Variants in CHST1 observed in about 807,000 individuals in gnomAD.
The protein encoded by CHST1 is Keratan sulfotransferase.
Under a neutral mutation model 22.5 loss-of-function variants are expected in CHST1, and 10 were observed. The observed-to-expected ratio is 0.44, with a 90% CI of 0.27 to 0.75. The LOEUF (loss-of-function observed/expected upper bound fraction) is 0.75. Among genes scored for constraint, CHST1 ranks in the 30% least tolerant of loss-of-function variants. The pLI, the probability that CHST1 is intolerant of heterozygous loss-of-function variation, is 0.15. For synonymous variants in CHST1, 267 were observed against 264.5 expected (o/e 1.01, Z -0.09); for missense variants, 439 against 576.1 (o/e 0.76, Z 2.44).
rs1214813999 is a variant in CHST1, at chr11:45,652,514, G to A, written c.-141+7C>T. ...TAGCAGAAGTCAGCAAGGGCAGGGG[G>A]GCTTACCCCGGCCTCCAGGTCGAAA... On this transcript the variant is annotated splice_region_variant and intron_variant, in intron 2 of 3. Transcript: ENST00000308064. 2 of 152,232 alleles carry A rather than the reference G, an allele frequency of 1.3e-5. No homozygotes were observed. The highest frequency in any genetic ancestry group is 2.1e-4 in the South Asian group (1 of 4,830). The allele number at this position is 152,232 out of a possible 1,614,324, so 9.4% of individuals were successfully genotyped here.
intron 3 of CHST1, 113 bp from the exon 4 acceptor site, chr11:45,651,078 G>T: frequency 1.4e-6 from 1 of 702,884 alleles, no homozygotes; most frequent in Non-Finnish European, 2.2e-6. Flanking sequence ...CCTGTCCAGT[G>T]CTCACCACAC....
At chr11:45,663,578 G>A (rs1442023752) in intron 1 of CHST1, among the ~76,000 whole-genome samples, 1 of 152,178 alleles carries the variant, frequency 6.6e-6, no homozygotes, top group Non-Finnish European at 1.5e-5. Context: ...GTTGAGTGAA[G>A]GGGGCTGGGG....
At chr11:45,662,458 T>C (rs966063078) in intron 1 of CHST1, among the ~76,000 whole-genome samples, 23 of 152,292 alleles carry the variant, frequency 1.5e-4, no homozygotes, top group Middle Eastern at 3.4e-3. Context: ...GGCTGGCTGC[T>C]TCCCAGCGGG....
chr11:45,659,365 C>A (rs996725544), intron 1 of CHST1, among the ~76,000 whole-genome samples: 5 of 152,090 alleles, frequency 3.3e-5, no homozygotes, highest in Non-Finnish European at 2.9e-5. Flanking sequence ...GAGGGAGCAC[C>A]GGGGCCAAGG....
chr11:45,649,443 G>A lies in CHST1; in HGVS notation c.*245C>T, dbSNP rs892152146. Reference sequence around the variant, plus strand: ...CCGCACAGAGACCCAACATCCATGTGTCTGAATGGGGGGGGGGGGGGCGGG... The same window carrying A: ...CCGCACAGAGACCCAACATCCATGTATCTGAATGGGGGGGGGGGGGGCGGG... On this transcript the variant is annotated 3_prime_UTR_variant, in exon 4 of 4. Transcript: ENST00000308064. The A allele has an allele frequency of 9.6e-6, 4 of 415,266 alleles. No homozygotes were observed. Among genetic ancestry groups the A allele is most frequent in the Admixed American group, 6.2e-5 (1 of 16,164 alleles). The allele number at this position is 415,266 out of a possible 1,614,324, so 25.7% of individuals were successfully genotyped here.
intron 3 of CHST1, 91 bp from the exon 4 acceptor site, chr11:45,651,056 A>T: frequency 1.1e-6 from 1 of 947,102 alleles, no homozygotes; most frequent in Non-Finnish European, 1.5e-6. Flanking sequence ...GGGCCCAGGG[A>T]AAGGCCCGGC....
intron 1 of CHST1, among the ~76,000 whole-genome samples, chr11:45,660,819 C>T (rs995723861): frequency 6.6e-5 from 10 of 152,206 alleles, no homozygotes; most frequent in African/African-American, 2.4e-4. Flanking sequence ...GAGTCCTAAA[C>T]AACTCACTGA....
intron 1 of CHST1, among the ~76,000 whole-genome samples, chr11:45,664,745 G>A (rs1418210472): frequency 6.6e-6 from 1 of 152,168 alleles, no homozygotes; most frequent in Non-Finnish European, 1.5e-5. Flanking sequence ...AGGGAGCGGC[G>A]CCCCCGCCTC....
At position 45,649,581 on chromosome 11, in the gene CHST1, C is replaced by T. The variant is rs940477402; in HGVS notation, c.*107G>A. ...GGGTGAGCTGGGGGCAGGAAGGACACGAAGATGAGGTGGGAGAGGGAGGGG... is the reference window on the plus strand; with the variant it reads ...GGGTGAGCTGGGGGCAGGAAGGACATGAAGATGAGGTGGGAGAGGGAGGGG... On this transcript the variant is annotated 3_prime_UTR_variant, in exon 4 of 4. Transcript: ENST00000308064. The T allele has an allele frequency of 6.7e-6, 8 of 1,198,320 alleles. No individual in the cohort carries two copies. Among genetic ancestry groups the T allele is most frequent in the South Asian group, 1.5e-5 (1 of 68,296 alleles). The allele number at this position is 1,198,320 out of a possible 1,614,324, so 74.2% of individuals were successfully genotyped here. A position where few individuals can be genotyped will look rare whatever the true frequency, so the allele number is the denominator to read the frequency against.
chr11:45,656,713 C>T (rs966375833), intron 1 of CHST1, among the ~76,000 whole-genome samples: 1 of 149,838 alleles, frequency 6.7e-6, no homozygotes, highest in African/African-American at 2.5e-5. Context: ...CTCACTGTGC[C>T]TCCCACCCTC....
Position 45,648,885 on chromosome 11 carries a change from C to T in CHST1, c.*803G>A, listed in dbSNP as rs540743488. 1 of 152,750 alleles carries T rather than the reference C, an allele frequency of 6.5e-6. No homozygotes were observed. Among genetic ancestry groups the T allele is most frequent in the South Asian group, 2.1e-4 (1 of 4,822 alleles). 9.5% of individuals were successfully genotyped at this position (152,750 alleles called of 1,614,324 possible). On this transcript the variant is annotated 3_prime_UTR_variant, in exon 4 of 4. Coordinates refer to ENST00000308064, the MANE Select transcript of CHST1 (RefSeq NM_003654.6). ...CTGCAATCACACACAGAGATTATTG[C>T]ACTCTTTTATTTACAGAAAACACAG... is the stretch of plus-strand genomic sequence containing the variant.
chr11:45,659,505 G>A (rs1048181753), intron 1 of CHST1, among the ~76,000 whole-genome samples: 35 of 152,260 alleles, frequency 2.3e-4, no homozygotes, highest in African/African-American at 7.9e-4. Flanking sequence ...TCCACTGGTG[G>A]GGCTTGAGGG....
rs118130800 is a variant in CHST1, at chr11:45,664,714, C to A, written c.-227+464G>T. On this transcript the variant is annotated intron_variant, in intron 1 of 3. Transcript: ENST00000308064. ...CAGCGGTCTGGGTGCGGAGGCCGGG[C>A]CAGGGCTGGGAGCAGGAAGCAGGGA... 6.4e-4 allele frequency among the ~76,000 whole-genome samples: 98 copies of A among 152,330 alleles called. 2 individuals are homozygous for A. In the East Asian group the frequency reaches 0.017, roughly 27 times the overall value.
intron 3 of CHST1, 170 bp from the exon 4 acceptor site, chr11:45,651,135 G>T: frequency 2.2e-6 from 1 of 449,760 alleles, no homozygotes; most frequent in Non-Finnish European, 3.9e-6. Flanking sequence ...CGTTCTCTGG[G>T]GGACTCCTGG....
At chr11:45,659,403 G>A (rs979445378) in intron 1 of CHST1, among the ~76,000 whole-genome samples, 1 of 152,088 alleles carries the variant, frequency 6.6e-6, no homozygotes, top group African/African-American at 2.4e-5. Context: ...GGACACATTG[G>A]TGCCGATCTC....
chr11:45,653,269 T>C (rs1043890920), intron 1 of CHST1, among the ~76,000 whole-genome samples: 1 of 152,188 alleles, frequency 6.6e-6, no homozygotes, highest in Non-Finnish European at 1.5e-5. Context: ...TCACTCCCAC[T>C]GTTCAGATGG....
At position 45,649,616 on chromosome 11, in the gene CHST1, C is replaced by T; in HGVS notation, c.*72G>A. ...GTGGGAGAGGGAGGGGTTAATAAGG[C>T]AACAGTTAAAAACGGTCCATTTTAT... On this transcript the variant is annotated 3_prime_UTR_variant, in exon 4 of 4. Transcript: ENST00000308064. The T allele has an allele frequency of 1.4e-6, 2 of 1,445,800 alleles. No individual in the cohort carries two copies. The highest frequency in any genetic ancestry group is 9.2e-7 in the Non-Finnish European group (1 of 1,084,268). 89.6% of individuals were successfully genotyped at this position (1,445,800 alleles called of 1,614,324 possible). A position where few individuals can be genotyped will look rare whatever the true frequency, so the allele number is the denominator to read the frequency against.
In CHST1 at chr11:45,650,779, C is replaced by T. The variant is rs770897574; in HGVS notation, c.145G>A (p.Glu49Lys). The T allele has an allele frequency of 6.2e-7, 1 of 1,613,948 alleles. No individual in the cohort carries two copies. The highest frequency in any genetic ancestry group is 8.5e-7 in the Non-Finnish European group (1 of 1,179,926). Residue 49 changes from glutamate (E) to lysine (K), a missense_variant, in exon 4 of 4, where the codon GAG becomes AAG. By Grantham distance (56) the Glu-to-Lys change is moderately conservative. Coordinates refer to ENST00000308064, the MANE Select transcript of CHST1 (RefSeq NM_003654.6). ...AGGTTGTAGGCGAAGGTGGGGCTCT[C>T]CTCGCACAGTCGCTCGGCCAGCCCG... ...EAGLAERLCEESPTFAYNLSR... is the reference protein window; with the variant it reads ...EAGLAERLCEKSPTFAYNLSR...
At chr11:45,662,669 T>G (rs1487843047) in intron 1 of CHST1, among the ~76,000 whole-genome samples, 1 of 152,234 alleles carries the variant, frequency 6.6e-6, no homozygotes, top group Non-Finnish European at 1.5e-5. Flanking sequence ...TCTCATATAT[T>G]ACTGCATTTG....
Sources: allele counts gnomAD v4.1 joint callset (sites outside exome capture counted in the v4.1 genomes callset), GRCh38; gene constraint gnomAD v4.1.1; transcripts MANE v1.5; gene names NCBI Gene and HGNC (gene_info 2026-07-23, HGNC 2026-07-21).